Variants in DMD observed in about 807,000 individuals in gnomAD.
DMD encodes dystrophin.
Under a neutral mutation model 330.1 loss-of-function variants are expected in DMD, and 63 were observed. That is an observed-to-expected ratio of 0.19 (90% CI 0.16 to 0.24). The LOEUF (loss-of-function observed/expected upper bound fraction) is 0.24. DMD is among the 10% of genes least tolerant of loss of function. DMD has a pLI of 1.00. For synonymous variants in DMD, 1,223 were observed against 959.8 expected, an observed-to-expected ratio of 1.27 and a Z score of -5.07; for missense variants, 3,344 against 2,684.1, an observed-to-expected ratio of 1.25 and a Z score of -5.43.
chrX:32,036,454 TG>T (rs2095947316), intron 44 of DMD, among the ~76,000 whole-genome samples: 1 of 111,498 alleles, frequency 9.0e-6, no homozygotes, highest in Admixed American at 9.5e-5. Context: ...AGTGATTAAT[TG>T]GAGGTATAGA....
chrX:32,558,944 T>TTTTTTTTCTTTTTC (rs2050658245), intron 16 of DMD, among the ~76,000 whole-genome samples: 2 of 38,214 alleles, frequency 5.2e-5, no homozygotes, highest in African/African-American at 1.7e-4. Context: ...TTTTCTTTTT[T>TTTTTTTTCTTTTTC]TTTTTTTTTT....
At chrX:33,213,230 A>G (rs2051983654), upstream of DMD, among the ~76,000 whole-genome samples, 1 of 111,634 alleles carries the variant, frequency 9.0e-6, no homozygotes, top group African/African-American at 3.3e-5. Flanking sequence ...TGTAACAAAG[A>G]TGTGTCCTGG....
chrX:33,098,745 G>A (rs1450345046), intron 1 of DMD, among the ~76,000 whole-genome samples: 4 of 111,546 alleles, frequency 3.6e-5, no homozygotes, highest in African/African-American at 1.3e-4. Flanking sequence ...GTTTTGCCAC[G>A]AGAGTACACC....
chrX:32,094,566 AC>A (rs1287672484), intron 44 of DMD, among the ~76,000 whole-genome samples: 2 of 111,207 alleles, frequency 1.8e-5, no homozygotes, highest in African/African-American at 6.7e-5. Flanking sequence ...TATTTTAGAT[AC>A]ACATCTCTTC....
intron 62 of DMD, among the ~76,000 whole-genome samples, chrX:31,280,734 T>C (rs932735041): frequency 8.9e-6 from 1 of 112,198 alleles, no homozygotes; most frequent in Non-Finnish European, 1.9e-5. Context: ...TAGGACAGAT[T>C]CAGGTCATGC....
chrX:32,666,195 T>C (rs1428323180), intron 9 of DMD, among the ~76,000 whole-genome samples: 1 of 111,268 alleles, frequency 9.0e-6, no homozygotes, highest in Non-Finnish European at 1.9e-5. Flanking sequence ...TAGGTGTCTT[T>C]TTTTATTATT....
chrX:32,442,969 T>G (rs757791192), intron 27 of DMD, among the ~76,000 whole-genome samples: 2 of 111,026 alleles, frequency 1.8e-5, no homozygotes, highest in South Asian at 3.7e-4. Flanking sequence ...GGATTTTTTT[T>G]AAACAAAGGA....
At chrX:31,748,762 C>A (rs1447311199) in intron 51 of DMD, among the ~76,000 whole-genome samples, 1 of 111,600 alleles carries the variant, frequency 9.0e-6, no homozygotes, top group Non-Finnish European at 1.9e-5. Context: ...AATGACCACC[C>A]CTCAATGGTT....
At chrX:31,451,694 G>T (rs999542190) in intron 59 of DMD, among the ~76,000 whole-genome samples, 1 of 111,045 alleles carries the variant, frequency 9.0e-6, no homozygotes, top group Non-Finnish European at 1.9e-5. Flanking sequence ...CCTCATTTCT[G>T]CCAAATTCTG....
intron 1 of DMD, among the ~76,000 whole-genome samples, chrX:33,134,403 C>T (rs1046357831): frequency 9.0e-6 from 1 of 111,730 alleles, no homozygotes; most frequent in Non-Finnish European, 1.9e-5. Flanking sequence ...CTGAAGGCAA[C>T]AACAAAGGCT....
At chrX:32,838,385 A>G (rs1286611192) in intron 4 of DMD, among the ~76,000 whole-genome samples, 1 of 110,531 alleles carries the variant, frequency 9.0e-6, no homozygotes, top group African/African-American at 3.3e-5. Flanking sequence ...TCCTAATTCT[A>G]TCCCTCCCCT....
intron 6 of DMD, among the ~76,000 whole-genome samples, chrX:32,815,520 T>TATATATATATATATATATATATACACAC: frequency 1.3e-5 from 1 of 78,959 alleles, no homozygotes; most frequent in African/African-American, 5.3e-5. Context: ...TATATATATA[T>TATATATATATATATATATATATACACAC]ACACACACAC....
chrX:32,411,845 G>A lies in DMD; in HGVS notation c.4140C>T (p.His1380=). 3.3e-6 allele frequency: 4 copies of A among 1,211,092 alleles called. No homozygotes were observed. The highest frequency in any genetic ancestry group is 4.5e-6 in the Non-Finnish European group (4 of 895,092). Residue 1380 remains histidine (H), a synonymous_variant, in exon 30 of 79, where the codon CAC becomes CAT. Transcript: ENST00000357033. ...QSAQETEKSL[H]LIQESLTFID... is the part of the protein sequence containing the mutation. ...TGAATGTGAGGGACTCCTGGATTAA[G>A]TGTAAGGATTTTTCAGTCTCCTGGG...
intron 26 of DMD, among the ~76,000 whole-genome samples, chrX:32,453,194 C>T (rs895802943): frequency 1.8e-5 from 2 of 110,729 alleles, no homozygotes; most frequent in Non-Finnish European, 3.8e-5. Flanking sequence ...TCACCACACG[C>T]TAGAACACTA....
intron 1 of DMD, among the ~76,000 whole-genome samples, chrX:33,115,802 C>A: frequency 9.1e-6 from 1 of 110,389 alleles, no homozygotes; most frequent in Non-Finnish European, 1.9e-5. Flanking sequence ...AGCCACTGCG[C>A]CCGGCCAAAA....
chrX:32,522,162 T>C (rs2046492421), intron 17 of DMD, among the ~76,000 whole-genome samples: 2 of 112,124 alleles, frequency 1.8e-5, no homozygotes, highest in Non-Finnish European at 3.8e-5. Flanking sequence ...TTTAATGTAT[T>C]GCAAAGTCTA....
At chrX:32,814,245 A>G (rs1419266738) in intron 6 of DMD, among the ~76,000 whole-genome samples, 1 of 112,445 alleles carries the variant, frequency 8.9e-6, no homozygotes. Context: ...TCTTTTGTAC[A>G]TATTTCTAAG....
intron 7 of DMD, among the ~76,000 whole-genome samples, chrX:32,719,295 C>T (rs949043699): frequency 8.9e-6 from 1 of 112,035 alleles, no homozygotes; most frequent in Non-Finnish European, 1.9e-5. Flanking sequence ...TTCAGATAAT[C>T]TTAATAGAGC....
intron 11 of DMD, among the ~76,000 whole-genome samples, chrX:32,620,963 G>T (rs2149379290): frequency 9.0e-6 from 1 of 111,319 alleles, no homozygotes; most frequent in South Asian, 3.8e-4. Context: ...TACAATTATT[G>T]AGTACCTGGA....
Sources: gnomAD v4.1 joint callset for allele counts (sites outside exome capture counted in the v4.1 genomes callset) on GRCh38, gnomAD v4.1.1 for gene constraint, MANE v1.5 for transcripts, NCBI Gene and HGNC (gene_info 2026-07-23, HGNC 2026-07-21) for gene names.